Variants in EML4 observed in about 807,000 individuals in gnomAD.
EML4 encodes echinoderm microtubule-associated protein-like 4.
EML4 carries 72 observed loss-of-function variants against 129.0 expected under a neutral mutation model. The ratio of observed to expected loss-of-function variants is 0.56; its 90% CI spans 0.46 to 0.68. EML4 has a LOEUF of 0.68. Among genes scored for constraint, EML4 ranks in the 30% least tolerant of loss-of-function variants. The pLI is 0.00. For synonymous variants in EML4, 532 were observed against 405.0 expected, an observed-to-expected ratio of 1.31 and a Z score of -3.77; for missense variants, 1,363 against 1,190.6, an observed-to-expected ratio of 1.14 and a Z score of -2.13.
intron 1 of EML4, among the ~76,000 whole-genome samples, chr2:42,220,691 A>T (rs148207487): frequency 1.8e-3 from 275 of 152,326 alleles, no homozygotes; most frequent in Non-Finnish European, 3.4e-3. Flanking sequence ...TGAAGCTTAG[A>T]TGAAGAAGGC....
chr2:42,330,464 G>A lies in EML4; in HGVS notation c.*257G>A. The A allele has an allele frequency of 1.8e-6, 1 of 556,282 alleles. No individual in the cohort carries two copies. Among genetic ancestry groups the A allele is most frequent in the South Asian group, 2.0e-5 (1 of 51,224 alleles). 34.5% of individuals were successfully genotyped at this position (556,282 alleles called of 1,614,324 possible). Reference sequence around the variant, plus strand: ...CATTAATGATGTCTCACAAATTACTGTGTACCTAAGTGGTGTGATGTAAAT... The same window carrying A: ...CATTAATGATGTCTCACAAATTACTATGTACCTAAGTGGTGTGATGTAAAT... On this transcript the variant is annotated 3_prime_UTR_variant, in exon 23 of 23. Coordinates refer to ENST00000318522, the MANE Select transcript of EML4 (RefSeq NM_019063.5).
At chr2:42,191,553 G>A (rs1671581250) in intron 1 of EML4, among the ~76,000 whole-genome samples, 1 of 152,140 alleles carries the variant, frequency 6.6e-6, no homozygotes, top group South Asian at 2.1e-4. Flanking sequence ...AGGGAGAGTG[G>A]ATAGTTTCTC....
intron 3 of EML4, among the ~76,000 whole-genome samples, chr2:42,260,136 AT>A (rs1665634659): frequency 6.6e-6 from 1 of 150,648 alleles, no homozygotes; most frequent in African/African-American, 2.4e-5. Flanking sequence ...AAGTACTGGG[AT>A]TACAGGTGTG....
chr2:42,252,785 G>T (rs1409495924), intron 2 of EML4, among the ~76,000 whole-genome samples: 1 of 151,886 alleles, frequency 6.6e-6, no homozygotes, highest in Non-Finnish European at 1.5e-5. Context: ...ATTCTTTAAG[G>T]CCTTATTCTG....
At chr2:42,216,866 C>G (rs562502968) in intron 1 of EML4, among the ~76,000 whole-genome samples, 75 of 152,232 alleles carry the variant, frequency 4.9e-4, no homozygotes, top group African/African-American at 1.7e-3. Flanking sequence ...GTTTATCCTA[C>G]CCCTCTGACT....
At chr2:42,245,294 C>T (rs945011159) in intron 1 of EML4, among the ~76,000 whole-genome samples, 16 of 151,266 alleles carry the variant, frequency 1.1e-4, no homozygotes, top group African/African-American at 3.9e-4. Context: ...CGGGGTTTCA[C>T]CATGTTGGCC....
rs757781424 is a variant in EML4 at position 42,320,834 on chromosome 2, G to C, written c.2154+3310G>C. Among the ~76,000 whole-genome samples the C allele has an allele frequency of 6.0e-4, 91 of 151,950 alleles. 1 individual carries two copies. Among genetic ancestry groups the C allele is most frequent in the Admixed American group, 2.6e-4 (4 of 15,242 alleles). The stretch of plus-strand genomic sequence containing the variant: ...ACTGTTACTCGAAGATCTTAGCCCA[G>C]GAGACAGTATATTTAAGTTGCAGTG... On this transcript the variant is annotated intron_variant, in intron 19 of 22. Coordinates refer to ENST00000318522, the MANE Select transcript of EML4 (RefSeq NM_019063.5).
intron 1 of EML4, among the ~76,000 whole-genome samples, chr2:42,233,652 A>G (rs1353882463): frequency 3.9e-5 from 6 of 152,140 alleles, no homozygotes; most frequent in Admixed American, 3.3e-4. Context: ...AATATTTTCA[A>G]ACAACTTGGA....
intron 11 of EML4, chr2:42,289,929 A>C (rs1667531850): frequency 6.7e-6 from 1 of 149,830 alleles, no homozygotes; most frequent in Non-Finnish European, 1.5e-5. Flanking sequence ...AAAAAAAAAA[A>C]AAAAAAAAAT....
intron 1 of EML4, among the ~76,000 whole-genome samples, chr2:42,188,492 G>C (rs1166172703): frequency 6.6e-6 from 1 of 152,076 alleles, no homozygotes; most frequent in African/African-American, 2.4e-5. Context: ...AAAGTGCTGG[G>C]ATTACAGGCC....
chr2:42,309,686 T>C (rs1326782429), intron 17 of EML4, among the ~76,000 whole-genome samples: 1 of 152,238 alleles, frequency 6.6e-6, no homozygotes, highest in African/African-American at 2.4e-5. Flanking sequence ...TGGCCACTTG[T>C]ATATCCTCTT....
chr2:42,260,881 G>T (rs1665692508), intron 3 of EML4, among the ~76,000 whole-genome samples: 1 of 152,152 alleles, frequency 6.6e-6, no homozygotes, highest in Admixed American at 6.5e-5. Flanking sequence ...GACCATTTCT[G>T]TCTAAAGGGG....
At chr2:42,188,801 C>T (rs902145785) in intron 1 of EML4, among the ~76,000 whole-genome samples, 13 of 152,262 alleles carry the variant, frequency 8.5e-5, no homozygotes, top group African/African-American at 2.6e-4. Context: ...GCTGGGATTA[C>T]AGGTGTGAAC....
intron 19 of EML4, among the ~76,000 whole-genome samples, chr2:42,321,197 C>T (rs1192681750): frequency 1.3e-5 from 2 of 151,984 alleles, no homozygotes. Flanking sequence ...TCCTGGCTAA[C>T]ACGGTGAAAC....
chr2:42,182,878 G>A (rs981538476), intron 1 of EML4, among the ~76,000 whole-genome samples: 7 of 152,048 alleles, frequency 4.6e-5, no homozygotes, highest in African/African-American at 1.7e-4. Context: ...TCCTCATGTG[G>A]CCTTTTCTTT....
chr2:42,169,553 G>T lies in EML4; in HGVS notation c.-59G>T. ...CAGGCTCAGCGTCGGCCACTCTGTCGGTCCGCTGAATGAAGTGCCCGCCCC... is the reference window on the plus strand; with the variant it reads ...CAGGCTCAGCGTCGGCCACTCTGTCTGTCCGCTGAATGAAGTGCCCGCCCC... On this transcript the variant is annotated 5_prime_UTR_variant, in exon 1 of 23. Coordinates refer to ENST00000318522, the MANE Select transcript of EML4 (RefSeq NM_019063.5). 2 of 1,574,604 alleles carry T rather than the reference G, an allele frequency of 1.3e-6. No individual in the cohort carries two copies. Among genetic ancestry groups the T allele is most frequent in the Non-Finnish European group, 1.7e-6 (2 of 1,164,600 alleles).
chr2:42,195,836 C>A (rs1671868386), intron 1 of EML4, among the ~76,000 whole-genome samples: 2 of 152,110 alleles, frequency 1.3e-5, no homozygotes, highest in South Asian at 4.1e-4. Context: ...AGATTTTTTT[C>A]TCCAATCTTT....
chr2:42,233,554 G>C (rs1025131478), intron 1 of EML4, among the ~76,000 whole-genome samples: 4 of 151,910 alleles, frequency 2.6e-5, no homozygotes, highest in Non-Finnish European at 5.9e-5. Context: ...TGATCCGCCT[G>C]CCTCAGCCTC....
chr2:42,295,224 G>A lies in EML4; in HGVS notation c.1318G>A (p.Gly440Ser), dbSNP rs776683841. ...KSHIFFWTWS[G>S]NSLTRKQGIF... ...TCATATTTTCTTCTGGACCTGGAGC[G>A]GCAATTCACTAACAAGAAAACAGGG... The change falls in exon 12 of 23, where the codon GGC becomes AGC. Residue 440 changes from glycine (G) to serine (S), a missense_variant. Coordinates refer to ENST00000318522, the MANE Select transcript of EML4 (RefSeq NM_019063.5). 26 of 1,613,480 alleles carry A rather than the reference G, an allele frequency of 1.6e-5. No individual in the cohort carries two copies. The South Asian group carries it at 1.9e-4, about 12-fold the overall frequency.
Sources: gnomAD v4.1 joint callset for allele counts (sites outside exome capture counted in the v4.1 genomes callset) on GRCh38, gnomAD v4.1.1 for gene constraint, MANE v1.5 for transcripts, NCBI Gene and HGNC (gene_info 2026-07-23, HGNC 2026-07-21) for gene names.